Variants in RPN2 observed in about 807,000 individuals in gnomAD.
The protein encoded by RPN2 is dolichyl-diphosphooligosaccharide--protein glycosyltransferase subunit 2.
Under a neutral mutation model 71.4 loss-of-function variants are expected in RPN2, and 29 were observed. The observed-to-expected ratio is 0.41, with a 90% CI of 0.30 to 0.55. The LOEUF (loss-of-function observed/expected upper bound fraction) is 0.55. RPN2 is among the 20% of genes least tolerant of loss of function. The pLI, the probability that RPN2 is intolerant of heterozygous loss-of-function variation, is 0.35. For missense variants in RPN2, 726 were observed against 774.1 expected, an observed-to-expected ratio of 0.94 and a Z score of 0.74; for synonymous variants, 308 against 305.0, an observed-to-expected ratio of 1.01 and a Z score of -0.10.
chr20:37,229,231 A>G (rs941405660), intron 12 of RPN2, among the ~76,000 whole-genome samples: 9 of 152,254 alleles, frequency 5.9e-5, no homozygotes, highest in Admixed American at 2.6e-4. Flanking sequence ...TGTTGTTTAC[A>G]TAGTGCCTTC....
Position 37,229,433 on chromosome 20 carries a change from G to A in RPN2, c.1495-540G>A, listed in dbSNP as rs2083007016. 2.0e-5 allele frequency among the ~76,000 whole-genome samples: 3 copies of A among 152,180 alleles called. No individual in the cohort carries two copies. The South Asian group carries it at 6.2e-4, about 32-fold the overall frequency. The stretch of plus-strand genomic sequence containing the variant: ...GCGGTTGTGTTTTGCCAGAGCACCT[G>A]AATCCTGTCAAAAGCAGGAGGTGAT... On this transcript the variant is annotated intron_variant, in intron 12 of 16. Coordinates refer to ENST00000237530, the MANE Select transcript of RPN2 (RefSeq NM_002951.5).
At chr20:37,228,806 C>T (rs1223249499) in intron 12 of RPN2, 62 bp downstream of exon 12, 3 of 1,516,906 alleles carry the variant, frequency 2.0e-6, no homozygotes, top group African/African-American at 2.7e-5. Flanking sequence ...ACTGGTGGCT[C>T]TTTTTCAGGG....
intron 2 of RPN2, among the ~76,000 whole-genome samples, chr20:37,189,672 G>A (rs6103966): frequency 0.033 from 5,059 of 152,256 alleles, 277 homozygotes; most frequent in African/African-American, 0.11. Flanking sequence ...TCAAAAGTAA[G>A]AGTATACCCA....
At chr20:37,210,611 A>G (rs1183314929) in intron 8 of RPN2, among the ~76,000 whole-genome samples, 1 of 150,912 alleles carries the variant, frequency 6.6e-6, no homozygotes, top group African/African-American at 2.4e-5. Context: ...GCTCACCGCA[A>G]CGTCTGCCTC....
intron 5 of RPN2, among the ~76,000 whole-genome samples, chr20:37,204,415 C>G (rs989969334): frequency 3.9e-5 from 6 of 152,208 alleles, no homozygotes; most frequent in Non-Finnish European, 7.3e-5. Flanking sequence ...TGGCCATGGA[C>G]TCCATCTGTG....
At chr20:37,183,319 G>T (rs771016138) in intron 1 of RPN2, among the ~76,000 whole-genome samples, 1 of 151,882 alleles carries the variant, frequency 6.6e-6, no homozygotes, top group Non-Finnish European at 1.5e-5. Flanking sequence ...AGGTTCAAGC[G>T]ATTCTCCTGC....
intron 9 of RPN2, among the ~76,000 whole-genome samples, chr20:37,223,032 C>T (rs1183057921): frequency 6.6e-6 from 1 of 152,226 alleles, no homozygotes; most frequent in African/African-American, 2.4e-5. Flanking sequence ...AGGTGGTCAA[C>T]TGGAGGCTCT....
chr20:37,233,841 A>G (rs896792440), intron 14 of RPN2, among the ~76,000 whole-genome samples, 179 bp from the exon 15 acceptor site: 5 of 152,218 alleles, frequency 3.3e-5, no homozygotes, highest in Admixed American at 1.3e-4. Context: ...AGAAAAAGGG[A>G]ACAAGTTTCC....
At chr20:37,228,400 C>A in intron 11 of RPN2, 150 bp from the exon 12 acceptor site, 1 of 752,044 alleles carries the variant, frequency 1.3e-6, no homozygotes, top group South Asian at 1.6e-5. Context: ...CATGGCCACT[C>A]CTTCTACTCT....
intron 8 of RPN2, 111 bp from the exon 9 acceptor site, chr20:37,213,649 A>C: frequency 1.2e-6 from 1 of 820,318 alleles, no homozygotes; most frequent in Non-Finnish European, 2.1e-6. Context: ...CAAAAAGGTA[A>C]GGAGTTGGCT....
At position 37,241,439 on chromosome 20, in the gene RPN2, G is replaced by A; in HGVS notation, c.*124G>A. The A allele has an allele frequency of 2.6e-6, 3 of 1,169,892 alleles. No homozygotes were observed. The highest frequency in any genetic ancestry group is 2.3e-5 in the Admixed American group (1 of 44,266). 72.5% of individuals were successfully genotyped at this position (1,169,892 alleles called of 1,614,324 possible). The stretch of plus-strand genomic sequence containing the variant: ...TTTAAAAAAGAAAAAAGTCCAGATT[G>A]TAGTTATACTTTTGCTTGTTTTTCA... On this transcript the variant is annotated 3_prime_UTR_variant, in exon 17 of 17. Coordinates refer to ENST00000237530, the MANE Select transcript of RPN2 (RefSeq NM_002951.5).
rs577780661 is a variant in RPN2 at position 37,219,206 on chromosome 20, C to T, written c.1093-4672C>T. Among the ~76,000 whole-genome samples the T allele has an allele frequency of 4.6e-5, 7 of 152,238 alleles. 1 individual carries two copies. The highest frequency in any genetic ancestry group is 1.4e-4 in the African/African-American group (6 of 41,548). On this transcript the variant is annotated intron_variant, in intron 9 of 16. Transcript: ENST00000237530. ...TGTTATTATCTGACTTTTTGATTTTCGCCATCGTAGTGGGTATAAAGTGGT... is the reference window on the plus strand; with the variant it reads ...TGTTATTATCTGACTTTTTGATTTTTGCCATCGTAGTGGGTATAAAGTGGT...
At chr20:37,179,568 T>C (rs1034747055) in intron 1 of RPN2, 199 bp downstream of exon 1, 19 of 1,348,448 alleles carry the variant, frequency 1.4e-5, no homozygotes, top group Admixed American at 6.2e-5. Context: ...CTGGCGGGGT[T>C]GGTGCCTGGG....
chr20:37,225,829 T>A, intron 11 of RPN2, 27 bp downstream of exon 11: 1 of 1,452,144 alleles, frequency 6.9e-7, no homozygotes, highest in Non-Finnish European at 9.7e-7. Flanking sequence ...GACAGTTCTC[T>A]TAACCTGAAA....
At chr20:37,201,114 A>G (rs577277137) in intron 4 of RPN2, among the ~76,000 whole-genome samples, 2 of 151,266 alleles carry the variant, frequency 1.3e-5, no homozygotes, top group African/African-American at 4.9e-5. Context: ...ATTAAATGAG[A>G]TAATAGGTGT....
Position 37,184,367 on chromosome 20 carries a change from T to C in RPN2, c.201T>C (p.Asp67=), listed in dbSNP as rs2066959954. 1 of 1,614,024 alleles carries C rather than the reference T, an allele frequency of 6.2e-7. No homozygotes were observed. The highest frequency in any genetic ancestry group is 1.3e-5 in the African/African-American group (1 of 74,944). Residue 67 remains aspartate (D), a synonymous_variant, in exon 2 of 17, where the codon GAT becomes GAC. Coordinates refer to ENST00000237530, the MANE Select transcript of RPN2 (RefSeq NM_002951.5). Reference sequence around the variant, plus strand: ...GCAGCCTTGGTGCTCAGGTGCCAGATGCAAAGGTAAGGCTGCTTTTGTCCT... The same window carrying C: ...GCAGCCTTGGTGCTCAGGTGCCAGACGCAAAGGTAAGGCTGCTTTTGTCCT... ...GLSSLGAQVP[D]AKKACTYIRS...
chr20:37,179,379 T>C lies in RPN2; in HGVS notation c.13+10T>C, dbSNP rs1231706596. 3.4e-6 allele frequency: 1 copy of C among 298,106 alleles called. No individual in the cohort carries two copies. The highest frequency in any genetic ancestry group is 1.7e-4 in the Admixed American group (1 of 5,918). 18.5% of individuals were successfully genotyped at this position (298,106 alleles called of 1,614,324 possible). On this transcript the variant is annotated intron_variant, in intron 1 of 16. Transcript: ENST00000237530. ...GGAATGGCGCCGCCGGGTGAGGAGT[T>C]GCGCGTGGCTTTGGGGAGAGGGCTG...
At chr20:37,179,731 C>T in intron 1 of RPN2, 1 of 228,218 alleles carries the variant, frequency 4.4e-6, no homozygotes, top group South Asian at 1.2e-4. Context: ...CCCCTTACTC[C>T]GTGTGAGGTT....
chr20:37,206,714 A>G (rs2067516591), intron 6 of RPN2, among the ~76,000 whole-genome samples: 2 of 152,000 alleles, frequency 1.3e-5, no homozygotes, highest in African/African-American at 4.8e-5. Flanking sequence ...AAGCATTATT[A>G]TGATTTTTTT....
Sources: gnomAD v4.1 joint callset for allele counts (sites outside exome capture counted in the v4.1 genomes callset) on GRCh38, gnomAD v4.1.1 for gene constraint, MANE v1.5 for transcripts, NCBI Gene and HGNC (gene_info 2026-07-23, HGNC 2026-07-21) for gene names.